The following TCF7L1 variants were observed in gnomAD, a reference collection of about 807,000 sequenced individuals.
TCF7L1 encodes transcription factor 7 like 1, also known as transcription factor 7-like 1.
Under a neutral mutation model 63.7 loss-of-function variants are expected in TCF7L1, and 18 were observed. The observed-to-expected ratio is 0.28, with a 90% CI of 0.20 to 0.42. TCF7L1 has a LOEUF of 0.42. Among genes scored for constraint, TCF7L1 ranks in the 10% least tolerant of loss-of-function variants. The probability of loss-of-function intolerance (pLI) is 1.00; values close to 1 mark genes in which losing one functional copy is unlikely to be tolerated. For missense variants in TCF7L1, 654 were observed against 779.3 expected, an observed-to-expected ratio of 0.84 and a Z score of 1.91; for synonymous variants, 355 against 340.9, an observed-to-expected ratio of 1.04 and a Z score of -0.46.
intron 3 of TCF7L1, among the ~76,000 whole-genome samples, chr2:85,248,638 T>C (rs1387984172): frequency 6.6e-6 from 1 of 151,930 alleles, no homozygotes; most frequent in Non-Finnish European, 1.5e-5. Flanking sequence ...GGAAGAAGAG[T>C]ATCTCAGCCA....
intron 3 of TCF7L1, among the ~76,000 whole-genome samples, chr2:85,188,050 T>A (rs2104260658): frequency 6.6e-6 from 1 of 152,320 alleles, no homozygotes; most frequent in East Asian, 1.9e-4. Context: ...TATACTGCAT[T>A]TGCCATTTAT....
At chr2:85,226,064 T>C (rs904175421) in intron 3 of TCF7L1, among the ~76,000 whole-genome samples, 1 of 152,244 alleles carries the variant, frequency 6.6e-6, no homozygotes, top group Admixed American at 6.5e-5. Flanking sequence ...GTTCTGTTTA[T>C]GTGAAGGATT....
intron 3 of TCF7L1, among the ~76,000 whole-genome samples, chr2:85,262,617 G>T (rs144630357): frequency 6.6e-6 from 1 of 152,282 alleles, no homozygotes; most frequent in East Asian, 1.9e-4. Context: ...TTTTTTTAAA[G>T]ATGTTGCCCA....
At chr2:85,251,466 TAGCAGCTGTGATC>T (rs1249276834) in intron 3 of TCF7L1, among the ~76,000 whole-genome samples, 1 of 152,232 alleles carries the variant, frequency 6.6e-6, no homozygotes, top group Non-Finnish European at 1.5e-5. Context: ...AGGCTTTTTC[TAGCAGCTGTGATC>T]AGCAAGGGGA....
intron 4 of TCF7L1, among the ~76,000 whole-genome samples, 163 bp downstream of exon 4, chr2:85,283,741 T>C (rs1039422201): frequency 1.3e-5 from 2 of 152,120 alleles, no homozygotes; most frequent in African/African-American, 4.8e-5. Flanking sequence ...AACAATTGGG[T>C]TGTGACCTCA....
chr2:85,207,971 A>G (rs1252426331), intron 3 of TCF7L1, among the ~76,000 whole-genome samples: 1 of 152,040 alleles, frequency 6.6e-6, no homozygotes, highest in Non-Finnish European at 1.5e-5. Context: ...CAGTGGCGCC[A>G]TCTCGGCCCA....
At position 85,144,719 on chromosome 2, in the gene TCF7L1, C is replaced by CTCTCTG. The variant is rs1553393493; in HGVS notation, c.441+10270_441+10271insCTCTGT. On this transcript the variant is annotated intron_variant, in intron 3 of 11. Coordinates refer to ENST00000282111, the MANE Select transcript of TCF7L1 (RefSeq NM_031283.3). ...CCCATCCCCCTTTCTCTCTCTCTCTCTGTGTGTGTGTGTGTGTGTGTGTGT... is the reference window on the plus strand; with the variant it reads ...CCCATCCCCCTTTCTCTCTCTCTCTCTCTCTGTGTGTGTGTGTGTGTGTGTGTGTGT... 8.0e-3 allele frequency among the ~76,000 whole-genome samples: 1,115 copies of CTCTCTG among 140,220 alleles called. 12 individuals are homozygous for CTCTCTG. Among genetic ancestry groups the CTCTCTG allele is most frequent in the African/African-American group, 0.028 (1,029 of 36,390 alleles). The allele number at this position is 140,220 out of a possible 152,430, so 92.0% of individuals were successfully genotyped here.
Position 85,304,283 on chromosome 2 carries a change from C to T in TCF7L1, c.790C>T (p.Pro264Ser). ...AGGCCAGCCCATGTACTCCCTTCCT[C>T]CCGGTGGCTTCCGGCACCCTTACCC... is the stretch of plus-strand genomic sequence containing the variant. ...QQGQPMYSLP[P>S]GGFRHPYPAL... Residue 264 changes from proline to serine, a missense_variant, in exon 7 of 12, where the codon CCC (proline) becomes TCC (serine). Pro to Ser is a moderately conservative substitution (Grantham distance 74, BLOSUM62 -1). Around this residue, in one of 3 missense-constraint regions of TCF7L1, gnomAD observed 404 missense variants for 454.8 expected, o/e 0.89. Transcript: ENST00000282111. 3 of 1,614,108 alleles carry T rather than the reference C, an allele frequency of 1.9e-6. No individual in the cohort carries two copies. The highest frequency in any genetic ancestry group is 2.5e-6 in the Non-Finnish European group (3 of 1,179,978).
At chr2:85,211,307 T>C (rs1679535901) in intron 3 of TCF7L1, among the ~76,000 whole-genome samples, 1 of 152,234 alleles carries the variant, frequency 6.6e-6, no homozygotes, top group Non-Finnish European at 1.5e-5. Flanking sequence ...GAAAGGTGTG[T>C]GCACAGCACT....
chr2:85,154,379 C>T (rs1026168438), intron 3 of TCF7L1, among the ~76,000 whole-genome samples: 1 of 152,110 alleles, frequency 6.6e-6, no homozygotes, highest in Non-Finnish European at 1.5e-5. Context: ...GAGTAACATC[C>T]TTGGGATGTT....
chr2:85,194,910 C>G (rs911353215), intron 3 of TCF7L1, among the ~76,000 whole-genome samples: 7 of 152,232 alleles, frequency 4.6e-5, no homozygotes, highest in African/African-American at 1.7e-4. Flanking sequence ...GAAAATAATA[C>G]ATGAGTAGTC....
chr2:85,222,669 CAAAAA>C (rs60020804), intron 3 of TCF7L1, among the ~76,000 whole-genome samples: 14 of 58,228 alleles, frequency 2.4e-4, no homozygotes, highest in African/African-American at 7.2e-4. Context: ...GACCCCATCT[CAAAAA>C]AAAAAAAAAA....
chr2:85,207,070 T>G (rs1408669500), intron 3 of TCF7L1, among the ~76,000 whole-genome samples: 1 of 152,246 alleles, frequency 6.6e-6, no homozygotes, highest in Non-Finnish European at 1.5e-5. Context: ...GCATCTTCAC[T>G]GATGCAGAAC....
chr2:85,230,643 A>G (rs1680055690), intron 3 of TCF7L1, among the ~76,000 whole-genome samples: 1 of 152,144 alleles, frequency 6.6e-6, no homozygotes, highest in African/African-American at 2.4e-5. Flanking sequence ...CCTTAGAAAC[A>G]TCTTAAAGCT....
intron 3 of TCF7L1, among the ~76,000 whole-genome samples, chr2:85,277,439 G>A (rs1681301345): frequency 6.6e-6 from 1 of 152,102 alleles, no homozygotes; most frequent in South Asian, 2.1e-4. Context: ...TTGGGTTCTG[G>A]GTGGCACTGG....
intron 4 of TCF7L1, among the ~76,000 whole-genome samples, chr2:85,284,325 T>C (rs1044478284): frequency 2.0e-5 from 3 of 152,048 alleles, no homozygotes; most frequent in Admixed American, 6.6e-5. Context: ...GGCTCTTCTG[T>C]ACAGGATGTT....
At chr2:85,256,373 G>A (rs1159276469) in intron 3 of TCF7L1, among the ~76,000 whole-genome samples, 2 of 152,204 alleles carry the variant, frequency 1.3e-5, no homozygotes, top group African/African-American at 4.8e-5. Context: ...AAATCCACAG[G>A]CTCTTTCTCT....
intron 3 of TCF7L1, among the ~76,000 whole-genome samples, chr2:85,187,446 T>C (rs1294887633): frequency 2.0e-5 from 3 of 152,220 alleles, no homozygotes; most frequent in Admixed American, 2.0e-4. Flanking sequence ...AAAAGTTGTA[T>C]AGTTTTGTGT....
At chr2:85,184,770 C>T (rs1351995592) in intron 3 of TCF7L1, among the ~76,000 whole-genome samples, 3 of 152,138 alleles carry the variant, frequency 2.0e-5, no homozygotes, top group South Asian at 2.1e-4. Flanking sequence ...GGTATAGGGG[C>T]GGGACAAGGC....
Sources: gnomAD v4.1 joint callset for allele counts (sites outside exome capture counted in the v4.1 genomes callset) on GRCh38, gnomAD v4.1.1 for gene constraint, gnomAD v4.1.1 regional missense constraint, MANE v1.5 for transcripts, NCBI Gene and HGNC (gene_info 2026-07-23, HGNC 2026-07-21) for gene names.